Variants in TFIP11 observed in about 807,000 individuals in gnomAD.
TFIP11 encodes tuftelin-interacting protein 11.
TFIP11 carries 86 observed loss-of-function variants against 96.8 expected under a neutral mutation model. That is an observed-to-expected ratio of 0.89 (90% CI 0.75 to 1.06). The LOEUF (loss-of-function observed/expected upper bound fraction) is 1.06, where lower values mean the gene tolerates loss of function less well. Ranked by LOEUF, TFIP11 falls within the 50% of genes least tolerant of loss-of-function variation. TFIP11 has a pLI of 0.00. For missense variants in TFIP11, 881 were observed against 1,076.7 expected (o/e 0.82, Z 2.54); for synonymous variants, 405 against 395.2 (o/e 1.02, Z -0.29).
intron 11 of TFIP11, 126 bp from the exon 12 acceptor site, chr22:26,496,442 G>T: frequency 3.1e-6 from 4 of 1,305,786 alleles, no homozygotes; most frequent in Non-Finnish European, 4.1e-6. Context: ...ACAGTCCTTT[G>T]TACATTGCCA....
rs1923417825 is a variant in TFIP11, at chr22:26,506,421, T to G, written c.402A>C (p.Gly134=). 1 of 1,613,944 alleles carries G rather than the reference T, an allele frequency of 6.2e-7. No homozygotes were observed. The highest frequency in any genetic ancestry group is 2.2e-5 in the East Asian group (1 of 44,886). ...CGAAGTCCATGAAAGATTTGGTTCC[T>G]CCTGCAAAACCTTTCTGGCTGGGCT... ...NFKPSQKGFA[G]GTKSFMDFGS... is the part of the protein sequence containing the mutation. The change falls in exon 6 of 15, where the codon GGA becomes GGC. Residue 134 remains glycine, a synonymous_variant. Coordinates refer to ENST00000407690, the MANE Select transcript of TFIP11 (RefSeq NM_012143.4).
intron 9 of TFIP11, 38 bp downstream of exon 9, chr22:26,499,066 C>G: frequency 6.2e-7 from 1 of 1,601,708 alleles, no homozygotes; most frequent in Non-Finnish European, 8.5e-7. Context: ...TAAGCCCAAC[C>G]GAGAGGCAGG....
intron 8 of TFIP11, among the ~76,000 whole-genome samples, chr22:26,500,641 C>T (rs1312058616): frequency 6.6e-6 from 1 of 151,114 alleles, no homozygotes; most frequent in East Asian, 1.9e-4. Flanking sequence ...CATGAACCAC[C>T]AGCTTTAGAC....
rs780643446 is a variant in TFIP11, at chr22:26,510,174, A to G, written c.99T>C (p.Asn33=). The G allele has an allele frequency of 6.2e-7, 1 of 1,614,156 alleles. No individual in the cohort carries two copies. The highest frequency in any genetic ancestry group is 2.2e-5 in the East Asian group (1 of 44,878). The change falls in exon 4 of 15, where the codon AAT becomes AAC. Residue 33 remains asparagine (N), a synonymous_variant. Coordinates refer to ENST00000407690, the MANE Select transcript of TFIP11 (RefSeq NM_012143.4). The stretch of plus-strand genomic sequence containing the variant: ...GGCGCTGTCGGTTGGGGTTGAACTC[A>G]TTCTGGAGATCCCAGTCAGTGATCT... ...NFEITDWDLQ[N]EFNPNRQRHW... is the part of the protein sequence containing the mutation.
At chr22:26,509,972 A>G in intron 4 of TFIP11, 92 bp downstream of exon 4, 3 of 1,354,280 alleles carry the variant, frequency 2.2e-6, no homozygotes, top group Non-Finnish European at 3.1e-6. Context: ...GCCAGGTGAG[A>G]AGTATACTTA....
chr22:26,505,875 T>G (rs559670099), intron 6 of TFIP11: 1 of 154,124 alleles, frequency 6.5e-6, no homozygotes, highest in East Asian at 1.9e-4. Flanking sequence ...CACACCCAAC[T>G]GATTTTTGTA....
rs1024158321 is a variant in TFIP11, at chr22:26,491,600, AC to A, written c.*412del. 6.2e-7 allele frequency: 1 copy of A among 1,614,076 alleles called. No homozygotes were observed. The highest frequency in any genetic ancestry group is 8.5e-7 in the Non-Finnish European group (1 of 1,180,050). ...TAGATATTTGGGAGTTTCGGGAAGA[AC>A]CAGATTATCAGGACTGTGAGGACCT... On this transcript the variant is annotated 3_prime_UTR_variant, in exon 15 of 15. Transcript: ENST00000407690.
At chr22:26,511,516 A>T (rs1924060326) in intron 2 of TFIP11, among the ~76,000 whole-genome samples, 1 of 152,236 alleles carries the variant, frequency 6.6e-6, no homozygotes, top group Non-Finnish European at 1.5e-5. Context: ...TAGGGAGTAA[A>T]CTTAGCAAAG....
chr22:26,496,029 C>G (rs1921979342), intron 12 of TFIP11, 44 bp downstream of exon 12: 1 of 1,596,454 alleles, frequency 6.3e-7, no homozygotes, highest in African/African-American at 1.3e-5. Context: ...GAAACCAGGG[C>G]ACCAAAGCTG....
intron 12 of TFIP11, among the ~76,000 whole-genome samples, chr22:26,495,574 ATGTG>A (rs1399047855): frequency 8.0e-5 from 6 of 74,788 alleles, no homozygotes; most frequent in Admixed American, 2.9e-4. Flanking sequence ...ACATATATAT[ATGTG>A]TGTGTGTGTA....
At chr22:26,503,829 C>A in intron 6 of TFIP11, 36 bp from the exon 7 acceptor site, 1 of 1,607,106 alleles carries the variant, frequency 6.2e-7, no homozygotes, top group Non-Finnish European at 8.5e-7. Flanking sequence ...GAGAGTCTTA[C>A]GATCACAGCA....
Position 26,506,914 on chromosome 22 carries a change from G to C in TFIP11, c.224C>G (p.Ser75Cys), listed in dbSNP as rs151208617. The change falls in exon 5 of 15, where the codon TCT (serine) becomes TGT (cysteine). Residue 75 changes from serine (S) to cysteine (C), a missense_variant. Ser to Cys is a moderately radical substitution (Grantham distance 112). Transcript: ENST00000407690. ...SFGGKRARDY[S>C]APVNFISAGL... ...TGCGCTGATGAAGTTGACTGGCGCA[G>C]AGTAGTCACGGGCCCTGTAGGCACA... 1.9e-6 allele frequency: 3 copies of C among 1,614,068 alleles called. No individual in the cohort carries two copies. Among genetic ancestry groups the C allele is most frequent in the Non-Finnish European group, 2.5e-6 (3 of 1,180,034 alleles).
At chr22:26,498,256 A>C (rs1922309423) in intron 10 of TFIP11, among the ~76,000 whole-genome samples, 1 of 152,046 alleles carries the variant, frequency 6.6e-6, no homozygotes, top group Non-Finnish European at 1.5e-5. Flanking sequence ...AAAGACTACA[A>C]ATTGAACCAG....
At chr22:26,495,677 C>CAT (rs762338752) in intron 12 of TFIP11, among the ~76,000 whole-genome samples, 208 of 58,960 alleles carry the variant, frequency 3.5e-3, no homozygotes, top group South Asian at 0.011. Flanking sequence ...TATATATATA[C>CAT]ATATATGTGT....
At position 26,495,574 on chromosome 22, in the gene TFIP11, A is replaced by G. The variant is rs550377340; in HGVS notation, c.1849+499T>C. Reference sequence around the variant, plus strand: ...TGTGTATATATATACACATATATATATGTGTGTGTGTGTATACATATATAC... The same window carrying G: ...TGTGTATATATATACACATATATATGTGTGTGTGTGTGTATACATATATAC... On this transcript the variant is annotated intron_variant, in intron 12 of 14. Coordinates refer to ENST00000407690, the MANE Select transcript of TFIP11 (RefSeq NM_012143.4). 1.4e-3 allele frequency among the ~76,000 whole-genome samples: 102 copies of G among 74,828 alleles called. 4 individuals carry two copies. Among genetic ancestry groups the G allele is most frequent in the East Asian group, 8.9e-3 (25 of 2,798 alleles). 49.1% of individuals were successfully genotyped at this position (74,828 alleles called of 152,430 possible).
chr22:26,510,518 A>C, intron 3 of TFIP11, 99 bp downstream of exon 3: 1 of 515,060 alleles, frequency 1.9e-6, no homozygotes, highest in East Asian at 3.4e-5. Context: ...TTAAAAGTAC[A>C]TATCTCCTTG....
Position 26,491,711 on chromosome 22 carries a change from C to G in TFIP11, c.*302G>C, listed in dbSNP as rs548387383. 2.7e-4 allele frequency: 418 copies of G among 1,566,332 alleles called. 4 individuals carry two copies. In the South Asian group the frequency reaches 4.5e-3, roughly 17 times the overall value. On this transcript the variant is annotated 3_prime_UTR_variant, in exon 15 of 15. Transcript: ENST00000407690. ...TACTCAGTGTTGGCTGAGGTAGAAG[C>G]TGCCACCAGAGACTAAAGGGAAGGC... is the stretch of plus-strand genomic sequence containing the variant.
In TFIP11 at chr22:26,499,229, G is replaced by A. The variant is rs142326419; in HGVS notation, c.1204C>T (p.Arg402Cys). The change falls in exon 9 of 15, where the codon CGC (arginine) becomes TGC (cysteine). Residue 402 changes from arginine to cysteine, a missense_variant. Transcript: ENST00000407690. ...SNPLTLDECARIFETLQDKYY... is the reference protein window; with the variant it reads ...SNPLTLDECACIFETLQDKYY... ...TTGTCCTGCAGGGTTTCGAAGATGCGGGCACACTCGTCCAGGGTGAGGGGG... is the reference window on the plus strand; with the variant it reads ...TTGTCCTGCAGGGTTTCGAAGATGCAGGCACACTCGTCCAGGGTGAGGGGG... The A allele has an allele frequency of 5.5e-5, 89 of 1,613,976 alleles. No homozygotes were observed. The highest frequency in any genetic ancestry group is 3.6e-4 in the African/African-American group (27 of 75,024).
Position 26,499,271 on chromosome 22 carries a change from G to A in TFIP11, c.1162C>T (p.Gln388Ter). The A allele has an allele frequency of 6.2e-7, 1 of 1,613,740 alleles. No homozygotes were observed. Among genetic ancestry groups the A allele is most frequent in the Non-Finnish European group, 8.5e-7 (1 of 1,179,824 alleles). Residue 388 changes from glutamine to a stop codon, truncating the protein, a stop_gained, in exon 9 of 15, where the codon CAG becomes TAG. Transcript: ENST00000407690. LOFTEE classifies it high-confidence loss of function. The stretch of plus-strand genomic sequence containing the variant: ...GTGAGGGGGTTGCTGCAGTCGGGCT[G>A]CATCCGCCGCTCGCACTCCTCCACC... ...EMVEECERRM[Q>*]PDCSNPLTLD...
Sources: gnomAD v4.1 joint callset for allele counts (sites outside exome capture counted in the v4.1 genomes callset) on GRCh38, gnomAD v4.1.1 for gene constraint, MANE v1.5 for transcripts, NCBI Gene and HGNC (gene_info 2026-07-23, HGNC 2026-07-21) for gene names.